Variants in XPR1 observed in about 807,000 individuals in gnomAD.
The protein encoded by XPR1 is xenotropic and polytropic retrovirus receptor 1, also known as solute carrier family 53 member 1.
Under a neutral mutation model 87.5 loss-of-function variants are expected in XPR1, and 28 were observed. The observed-to-expected ratio is 0.32, with a 90% confidence interval of 0.24 to 0.44. The LOEUF (loss-of-function observed/expected upper bound fraction) is 0.44. XPR1 is among the 20% of genes least tolerant of loss of function. The pLI, the probability that XPR1 is intolerant of heterozygous loss-of-function variation, is 1.00. For synonymous variants in XPR1, 300 were observed against 306.1 expected (o/e 0.98, Z 0.21); for missense variants, 559 against 862.3 (o/e 0.65, Z 4.41).
intron 2 of XPR1, among the ~76,000 whole-genome samples, chr1:180,753,037 G>A (rs1037556378): frequency 1.3e-5 from 2 of 152,162 alleles, no homozygotes; most frequent in African/African-American, 2.4e-5. Context: ...ACATCATGTA[G>A]AAAGAACATT....
intron 13 of XPR1, among the ~76,000 whole-genome samples, chr1:180,874,715 TA>T (rs557062626): frequency 1.3e-5 from 2 of 150,660 alleles, no homozygotes; most frequent in East Asian, 1.9e-4. Context: ...TTAAATATTC[TA>T]AAAAAAAATC....
At chr1:180,754,476 T>C (rs143646779) in intron 2 of XPR1, among the ~76,000 whole-genome samples, 41 of 152,284 alleles carry the variant, frequency 2.7e-4, no homozygotes, top group Non-Finnish European at 5.1e-4. Flanking sequence ...TTTTATTTTT[T>C]TTGAGACAGG....
intron 1 of XPR1, among the ~76,000 whole-genome samples, chr1:180,667,482 A>G (rs552018648): frequency 2.0e-5 from 3 of 152,234 alleles, no homozygotes; most frequent in South Asian, 2.1e-4. Context: ...TCCTTCTAAT[A>G]TGATGCTGAT....
intron 3 of XPR1, among the ~76,000 whole-genome samples, chr1:180,796,566 A>G (rs576453017): frequency 1.8e-4 from 27 of 151,356 alleles, no homozygotes; most frequent in Middle Eastern, 3.4e-3. Context: ...ACTTTTACCT[A>G]TTTATTCATT....
intron 11 of XPR1, among the ~76,000 whole-genome samples, chr1:180,841,270 T>C (rs1184967950): frequency 2.0e-5 from 3 of 152,122 alleles, no homozygotes; most frequent in African/African-American, 7.2e-5. Context: ...TATATTAAGT[T>C]AAGGAGGATT....
intron 2 of XPR1, among the ~76,000 whole-genome samples, chr1:180,746,060 C>A (rs938301994): frequency 3.9e-5 from 6 of 152,028 alleles, no homozygotes; most frequent in South Asian, 2.1e-4. Context: ...TCTATCTGTT[C>A]CTTTTTTTTC....
chr1:180,833,328 T>C (rs1402366415), intron 9 of XPR1, among the ~76,000 whole-genome samples: 1 of 152,140 alleles, frequency 6.6e-6, no homozygotes, highest in Non-Finnish European at 1.5e-5. Flanking sequence ...CACATAACAA[T>C]ATTAACCTTA....
intron 2 of XPR1, among the ~76,000 whole-genome samples, chr1:180,768,297 G>A (rs1025171671): frequency 6.6e-6 from 1 of 152,014 alleles, no homozygotes; most frequent in Non-Finnish European, 1.5e-5. Context: ...CTTTCTAGGA[G>A]GATTTGCTTC....
intron 2 of XPR1, among the ~76,000 whole-genome samples, chr1:180,712,467 C>T (rs531869706): frequency 3.9e-5 from 6 of 152,206 alleles, no homozygotes; most frequent in South Asian, 2.1e-4. Context: ...CAATGGTAAC[C>T]GAAACTGTGG....
At chr1:180,665,211 C>T (rs554602003) in intron 1 of XPR1, among the ~76,000 whole-genome samples, 43 of 152,246 alleles carry the variant, frequency 2.8e-4, no homozygotes, top group African/African-American at 8.9e-4. Context: ...AAATGCCAGA[C>T]GCTTATAAAA....
chr1:180,772,741 A>G (rs1467545586), intron 2 of XPR1, among the ~76,000 whole-genome samples: 1 of 152,224 alleles, frequency 6.6e-6, no homozygotes, highest in Non-Finnish European at 1.5e-5. Flanking sequence ...CATCCGCGTA[A>G]GATGTGACTT....
chr1:180,652,575 T>G (rs968659918), intron 1 of XPR1, among the ~76,000 whole-genome samples: 4 of 152,200 alleles, frequency 2.6e-5, no homozygotes, highest in Admixed American at 2.6e-4. Context: ...AGCTTTGACA[T>G]ATGGGAATGT....
At chr1:180,747,634 AAATATT>A (rs1647308495) in intron 2 of XPR1, among the ~76,000 whole-genome samples, 1 of 152,254 alleles carries the variant, frequency 6.6e-6, no homozygotes, top group South Asian at 2.1e-4. Context: ...TTTACTATTT[AAATATT>A]ACATGATACA....
At chr1:180,834,821 A>G (rs1179439390) in intron 9 of XPR1, 53 bp from the exon 10 acceptor site, 15 of 1,554,450 alleles carry the variant, frequency 9.6e-6, no homozygotes, top group Non-Finnish European at 1.2e-5. Flanking sequence ...AAATGGAGAC[A>G]TTTAATACGA....
At chr1:180,831,362 C>CTTTTTCTTTTTTTTTTTTTTTT (rs1553252332) in intron 9 of XPR1, among the ~76,000 whole-genome samples, 8 of 115,424 alleles carry the variant, frequency 6.9e-5, no homozygotes, top group Non-Finnish European at 9.3e-5. Context: ...TTTTCTTTTT[C>CTTTTTCTTTTTTTTTTTTTTTT]TTTTTTTTTT....
chr1:180,824,640 T>C, intron 7 of XPR1, 113 bp from the exon 8 acceptor site: 1 of 912,574 alleles, frequency 1.1e-6, no homozygotes, highest in Non-Finnish European at 1.7e-6. Context: ...TTAGGTTTTA[T>C]TTATGAAAAA....
At chr1:180,782,594 C>T (rs1371320239) in intron 2 of XPR1, among the ~76,000 whole-genome samples, 1 of 151,730 alleles carries the variant, frequency 6.6e-6, no homozygotes, top group Non-Finnish European at 1.5e-5. Context: ...TCTGGTGTCT[C>T]TTTTTTTATA....
intron 1 of XPR1, among the ~76,000 whole-genome samples, chr1:180,633,655 A>G (rs940463583): frequency 3.6e-4 from 55 of 152,232 alleles, no homozygotes; most frequent in Non-Finnish European, 2.1e-4. Context: ...TTGTCACTCA[A>G]TTTCTTACAG....
chr1:180,811,558 A>G, intron 7 of XPR1, 70 bp downstream of exon 7: 1 of 1,263,198 alleles, frequency 7.9e-7, no homozygotes, highest in East Asian at 2.4e-5. Flanking sequence ...CCCCTCTGTA[A>G]GGAATTATGC....
Sources: gnomAD v4.1 joint callset for allele counts (sites outside exome capture counted in the v4.1 genomes callset) on GRCh38, gnomAD v4.1.1 for gene constraint, MANE v1.5 for transcripts, NCBI Gene and HGNC (gene_info 2026-07-23, HGNC 2026-07-21) for gene names.